Variants in CORO1A observed in about 807,000 individuals in gnomAD.
CORO1A encodes coronin-1A.
CORO1A carries 17 observed loss-of-function variants against 44.1 expected under a neutral mutation model. The observed-to-expected ratio is 0.39, with a 90% CI of 0.26 to 0.58. CORO1A has a LOEUF of 0.58. Among genes scored for constraint, CORO1A ranks in the 20% least tolerant of loss-of-function variants. The probability of loss-of-function intolerance (pLI) is 0.62; values close to 1 mark genes in which losing one functional copy is unlikely to be tolerated. For synonymous variants in CORO1A, 271 were observed against 244.2 expected, an observed-to-expected ratio of 1.11 and a Z score of -1.02; for missense variants, 415 against 606.5, an observed-to-expected ratio of 0.68 and a Z score of 3.32.
Position 30,187,214 on chromosome 16 carries a change from T to G in CORO1A, c.627T>G (p.Thr209=). 1 of 1,612,486 alleles carries G rather than the reference T, an allele frequency of 6.2e-7. No individual in the cohort carries two copies. Among genetic ancestry groups the G allele is most frequent in the East Asian group, 2.2e-5 (1 of 44,884 alleles). Residue 209 remains threonine (T), a synonymous_variant, in exon 5 of 11, where the codon ACT becomes ACG. Coordinates refer to ENST00000219150, the MANE Select transcript of CORO1A (RefSeq NM_007074.4). The stretch of plus-strand genomic sequence containing the variant: ...GCATCATCGAGCCCCGCAAAGGCAC[T>G]GTCGTAGCTGTGAGTCGCCATCTAC... ...RVRIIEPRKG[T]VVAEKDRPHE...
rs962035439 is a variant in CORO1A, at chr16:30,184,113, C to T, written c.-2+388C>T. 6.6e-6 allele frequency: 1 copy of T among 152,356 alleles called. No homozygotes were observed. Among genetic ancestry groups the T allele is most frequent in the Non-Finnish European group, 1.5e-5 (1 of 68,216 alleles). The allele number at this position is 152,356 out of a possible 1,614,324, so 9.4% of individuals were successfully genotyped here. A position where few individuals can be genotyped will look rare whatever the true frequency, so the allele number is the denominator to read the frequency against. ...GGGTTGAGAGCAAAACAAGAAAAGA[C>T]CAAGTTCCCCTTTCCGTGGTTTCCG... On this transcript the variant is annotated intron_variant, in intron 1 of 10. Coordinates refer to ENST00000219150, the MANE Select transcript of CORO1A (RefSeq NM_007074.4). This position sits in a 1 kb window ranked among gnomAD's most constrained non-coding sequence, Gnocchi z 4.3.
chr16:30,188,093 T>G lies in CORO1A; in HGVS notation c.1007+6T>G. ...AACAAGTGTGAGATCGCCAGGTGAC[T>G]GACCCCCGGCCCTGACCGCAGCATG... On this transcript the variant is annotated splice_donor_region_variant and intron_variant, in intron 8 of 10. Coordinates refer to ENST00000219150, the MANE Select transcript of CORO1A (RefSeq NM_007074.4). 2 of 1,613,656 alleles carry G rather than the reference T, an allele frequency of 1.2e-6. No individual in the cohort carries two copies. The highest frequency in any genetic ancestry group is 1.7e-6 in the Non-Finnish European group (2 of 1,179,988).
chr16:30,188,207 C>T lies in CORO1A; in HGVS notation c.1023C>T (p.His341=), dbSNP rs754892391. ...KCEIARFYKL[H]ERRCEPIAMT... is the part of the protein sequence containing the mutation. Reference sequence around the variant, plus strand: ...CTTCCCACAGGTTCTACAAGCTGCACGAGCGGAGGTGTGAGCCCATTGCCA... The same window carrying T: ...CTTCCCACAGGTTCTACAAGCTGCATGAGCGGAGGTGTGAGCCCATTGCCA... Residue 341 remains histidine (H), a synonymous_variant, in exon 9 of 11, where the codon CAC becomes CAT. Coordinates refer to ENST00000219150, the MANE Select transcript of CORO1A (RefSeq NM_007074.4). 15 of 1,614,010 alleles carry T rather than the reference C, an allele frequency of 9.3e-6. No homozygotes were observed. Among genetic ancestry groups the T allele is most frequent in the East Asian group, 6.7e-5 (3 of 44,892 alleles).
At chr16:30,185,660 T>C (rs1173798086) in intron 2 of CORO1A, 18 of 562,216 alleles carry the variant, frequency 3.2e-5, no homozygotes, top group Non-Finnish European at 4.5e-5. Context: ...TGCAGACCCA[T>C]GATCAGCCCT....
chr16:30,187,599 G>A (rs2073356680), intron 6 of CORO1A, 98 bp downstream of exon 6: 1 of 1,524,042 alleles, frequency 6.6e-7, no homozygotes, highest in Non-Finnish European at 8.9e-7. Context: ...ATGGCCATGG[G>A]CCTCAGTTTA....
chr16:30,185,494 C>A, intron 2 of CORO1A, 87 bp downstream of exon 2: 1 of 1,195,696 alleles, frequency 8.4e-7, no homozygotes, highest in Non-Finnish European at 1.2e-6. Flanking sequence ...GTCACCAGGC[C>A]TTCCAGGGCC....
intron 7 of CORO1A, 36 bp downstream of exon 7, chr16:30,187,865 G>GGGCC: frequency 1.8e-5 from 9 of 513,168 alleles, no homozygotes; most frequent in Non-Finnish European, 2.9e-5. Context: ...TGGGAGGTGG[G>GGGCC]CAGGATGGGC....
chr16:30,186,342 G>A (rs2073333856), intron 2 of CORO1A: 1 of 516,202 alleles, frequency 1.9e-6, no homozygotes, highest in Admixed American at 3.1e-5. Flanking sequence ...CTGAGACAGA[G>A]ACCGGCGGGA....
chr16:30,188,756 C>T (rs1382224198), intron 10 of CORO1A, 104 bp from the exon 11 acceptor site: 9 of 562,444 alleles, frequency 1.6e-5, no homozygotes, highest in African/African-American at 5.4e-5. Context: ...ACCAGCTGAG[C>T]GACTAAAGGG....
chr16:30,188,259 C>G lies in CORO1A; in HGVS notation c.1065+10C>G. ...GACAGTGCCTCGAAAGGTGATGCTC[C>G]CCCGCCCCACCCTGGGCTCCAGGCT... On this transcript the variant is annotated intron_variant, in intron 9 of 10. Transcript: ENST00000219150. The G allele has an allele frequency of 6.2e-7, 1 of 1,613,648 alleles. No individual in the cohort carries two copies. Among genetic ancestry groups the G allele is most frequent in the Non-Finnish European group, 8.5e-7 (1 of 1,179,658 alleles).
At chr16:30,188,791 G>C in intron 10 of CORO1A, 69 bp from the exon 11 acceptor site, 4 of 506,460 alleles carry the variant, frequency 7.9e-6, no homozygotes, top group Non-Finnish European at 1.4e-5. Flanking sequence ...TCTAGGGATG[G>C]GGCTCAGCAG....
rs2073302137 is a variant in CORO1A at position 30,183,842 on chromosome 16, GC to G, written c.-2+119del. On this transcript the variant is annotated intron_variant, in intron 1 of 10. Coordinates refer to ENST00000219150, the MANE Select transcript of CORO1A (RefSeq NM_007074.4). This position sits in a 1 kb window ranked among gnomAD's most constrained non-coding sequence, Gnocchi z 5.0. Reference sequence around the variant, plus strand: ...CGGCTGTCACCGCGACCCAGCCAGCGCCGGGGCCAGGTAGCGGGCGCAGCAG... The same window carrying G: ...CGGCTGTCACCGCGACCCAGCCAGCGCGGGGCCAGGTAGCGGGCGCAGCAG... 6.6e-6 allele frequency: 1 copy of G among 151,626 alleles called. No individual in the cohort carries two copies. Among genetic ancestry groups the G allele is most frequent in the African/African-American group, 2.4e-5 (1 of 41,382 alleles). 9.4% of individuals were successfully genotyped at this position (151,626 alleles called of 1,614,324 possible).
chr16:30,185,505 T>C, intron 2 of CORO1A, 98 bp downstream of exon 2: 1 of 1,079,676 alleles, frequency 9.3e-7, no homozygotes, highest in Non-Finnish European at 1.3e-6. Flanking sequence ...TTCCAGGGCC[T>C]GTGTTGCCAT....
At chr16:30,188,327 G>A (rs201297829) in intron 9 of CORO1A, 34 bp from the exon 10 acceptor site, 1 of 1,612,826 alleles carries the variant, frequency 6.2e-7, no homozygotes, top group Non-Finnish European at 8.5e-7. Context: ...CCTGGCATAA[G>A]CGCTTTCCTC....
rs570148791 is a variant in CORO1A, at chr16:30,187,121, G to A, written c.534G>A (p.Thr178=). ...TGGGCCCAGAGGTGCACCCAGACAC[G>A]ATCTACAGTGTGGACTGGAGCCGAG... ...LTLGPEVHPD[T]IYSVDWSRDG... is the part of the protein sequence containing the mutation. Residue 178 remains threonine (T), a synonymous_variant, in exon 5 of 11, where the codon ACG becomes ACA. Transcript: ENST00000219150. The A allele has an allele frequency of 9.9e-6, 16 of 1,614,098 alleles. No individual in the cohort carries two copies. Among genetic ancestry groups the A allele is most frequent in the Middle Eastern group, 1.7e-4 (1 of 6,060 alleles).
Position 30,187,393 on chromosome 16 carries a change from T to C in CORO1A, c.648T>C (p.Arg216=), listed in dbSNP as rs1311060961. ...CCCTTTCCTTGCAGGAGAAGGACCG[T>C]CCCCACGAGGGGACCCGGCCCGTGC... ...RKGTVVAEKD[R]PHEGTRPVRA... The change falls in exon 6 of 11, where the codon CGT becomes CGC. Residue 216 remains arginine, a synonymous_variant. Coordinates refer to ENST00000219150, the MANE Select transcript of CORO1A (RefSeq NM_007074.4). 4 of 1,610,720 alleles carry C rather than the reference T, an allele frequency of 2.5e-6. No individual in the cohort carries two copies. Among genetic ancestry groups the C allele is most frequent in the Non-Finnish European group, 3.4e-6 (4 of 1,179,966 alleles).
chr16:30,184,969 A>C lies in CORO1A; in HGVS notation c.-1-240A>C. ...GCTCTGTTGCAGAGGCTGAGGGTAC[A>C]GATTGAGAGGGTGGCTCAGAGTGGC... On this transcript the variant is annotated intron_variant, in intron 1 of 10. Transcript: ENST00000219150. The surrounding 1 kb of genome is among the most constrained non-coding windows in gnomAD (Gnocchi z 4.3). 1.7e-6 allele frequency: 1 copy of C among 598,632 alleles called. No individual in the cohort carries two copies. Among genetic ancestry groups the C allele is most frequent in the Non-Finnish European group, 3.0e-6 (1 of 335,072 alleles). The allele number at this position is 598,632 out of a possible 1,614,324, so 37.1% of individuals were successfully genotyped here. A position where few individuals can be genotyped will look rare whatever the true frequency, so the allele number is the denominator to read the frequency against.
chr16:30,184,171 G>A lies in CORO1A; in HGVS notation c.-2+446G>A, dbSNP rs1025591696. The A allele has an allele frequency of 6.6e-6, 1 of 152,578 alleles. No homozygotes were observed. The highest frequency in any genetic ancestry group is 1.5e-5 in the Non-Finnish European group (1 of 68,296). 9.5% of individuals were successfully genotyped at this position (152,578 alleles called of 1,614,324 possible). A position where few individuals can be genotyped will look rare whatever the true frequency, so the allele number is the denominator to read the frequency against. ...TACCTGTGGTGGGGGAGGAGGCAGGGTGGGGCGATGGCTTCCTGTCCCCCA... is the reference window on the plus strand; with the variant it reads ...TACCTGTGGTGGGGGAGGAGGCAGGATGGGGCGATGGCTTCCTGTCCCCCA... On this transcript the variant is annotated intron_variant, in intron 1 of 10. Transcript: ENST00000219150. The surrounding 1 kb of genome is among the most constrained non-coding windows in gnomAD (Gnocchi z 4.3).
chr16:30,187,913 G>C (rs753219676), intron 7 of CORO1A, 29 bp from the exon 8 acceptor site: 2 of 1,613,400 alleles, frequency 1.2e-6, no homozygotes, highest in African/African-American at 2.7e-5. Context: ...CGCTGGTATT[G>C]ACCCTCCCTC....
Sources: gnomAD v4.1 joint callset for allele counts on GRCh38, gnomAD v4.1.1 for gene constraint, Gnocchi (gnomAD v3.1) non-coding constraint, MANE v1.5 for transcripts, NCBI Gene and HGNC (gene_info 2026-07-23, HGNC 2026-07-21) for gene names.